Variants in CASS4 observed in about 807,000 individuals in gnomAD.
CASS4 encodes the protein cas scaffolding protein family member 4.
CASS4 carries 22 observed loss-of-function variants against 54.2 expected under a neutral mutation model. The ratio of observed to expected loss-of-function variants is 0.41; its 90% confidence interval spans 0.29 to 0.58. The LOEUF is 0.58. Ranked by LOEUF, CASS4 falls within the 20% of genes least tolerant of loss-of-function variation. The probability of loss-of-function intolerance (pLI) is 0.36; values close to 1 mark genes in which losing one functional copy is unlikely to be tolerated. For missense variants in CASS4, 854 were observed against 986.7 expected (o/e 0.87, Z 1.80); for synonymous variants, 409 against 391.5 (o/e 1.04, Z -0.53).
chr20:56,415,847 A>G (rs999727931), intron 1 of CASS4, among the ~76,000 whole-genome samples: 8 of 152,222 alleles, frequency 5.3e-5, no homozygotes, highest in Non-Finnish European at 1.2e-4. Context: ...ACCTTTGTGC[A>G]TGGCAGATTT....
In CASS4 at chr20:56,412,967, G is replaced by C. The variant is rs6127745; in HGVS notation, c.36+473G>C. Among the ~76,000 whole-genome samples, 4,187 of 152,164 alleles carry C rather than the reference G, an allele frequency of 0.028. 456 individuals are homozygous for C. The East Asian group carries it at 0.37, about 13-fold the overall frequency. On this transcript the variant is annotated intron_variant, in intron 1 of 5. Coordinates refer to ENST00000679887, the MANE Select transcript of CASS4 (RefSeq NM_020356.4). The surrounding 1 kb of genome is among the most constrained non-coding windows in gnomAD (Gnocchi z 4.2). ...TTACATGTTATTTTCATGTTAACTTGTGCATTATGTGAGCAAAGCTGGAGC... is the reference window on the plus strand; with the variant it reads ...TTACATGTTATTTTCATGTTAACTTCTGCATTATGTGAGCAAAGCTGGAGC...
chr20:56,450,320 G>A (rs554945433), intron 3 of CASS4, among the ~76,000 whole-genome samples: 89 of 152,270 alleles, frequency 5.8e-4, no homozygotes, highest in African/African-American at 2.1e-3. Context: ...CACCACGCCC[G>A]GCTGAGAAGT....
chr20:56,421,220 G>A (rs1979396092), intron 1 of CASS4, among the ~76,000 whole-genome samples: 1 of 152,202 alleles, frequency 6.6e-6, no homozygotes, highest in Non-Finnish European at 1.5e-5. Context: ...TACAATACTG[G>A]TGTATCTTGA....
intron 5 of CASS4, among the ~76,000 whole-genome samples, chr20:56,457,317 C>T (rs925306886): frequency 4.6e-5 from 7 of 152,178 alleles, no homozygotes; most frequent in African/African-American, 1.7e-4. Flanking sequence ...CTCCAGATCT[C>T]TCATGTGCTA....
In CASS4 at chr20:56,453,101, AG is replaced by A; in HGVS notation, c.1926del (p.Asn644IlefsTer104). The A allele has an allele frequency of 6.2e-7, 1 of 1,613,790 alleles. No individual in the cohort carries two copies. Among genetic ancestry groups the A allele is most frequent in the Middle Eastern group, 1.6e-4 (1 of 6,062 alleles). On this transcript the variant is annotated frameshift_variant, in exon 5 of 6. Coordinates refer to ENST00000679887, the MANE Select transcript of CASS4 (RefSeq NM_020356.4). LOFTEE classifies it low-confidence loss of function (END_TRUNC). Reference sequence around the variant, plus strand: ...GATGAACACTCTTCTGAACTATTAAAGAAAAATAGGGCAAATATCTGTGGAC... The same window carrying A: ...GATGAACACTCTTCTGAACTATTAAAAAAAATAGGGCAAATATCTGTGGAC... ...REDEHSSELL[K>X]KNRANICGQN...
intron 4 of CASS4, 135 bp from the exon 5 acceptor site, chr20:56,451,684 C>G (rs556500552): frequency 1.2e-5 from 8 of 670,900 alleles, no homozygotes; most frequent in Non-Finnish European, 1.8e-5. Context: ...TCAAAAGAAT[C>G]CTGAAGGACC....
intron 1 of CASS4, among the ~76,000 whole-genome samples, chr20:56,431,219 T>A (rs1162192359): frequency 6.6e-6 from 1 of 152,208 alleles, no homozygotes; most frequent in East Asian, 1.9e-4. Flanking sequence ...ATAGGTAATA[T>A]TATGACTTCA....
At chr20:56,412,183 T>TA, upstream of CASS4, 1 of 479,994 alleles carries the variant, frequency 2.1e-6, no homozygotes, top group Admixed American at 3.7e-5. The surrounding 1 kb of genome is among the most constrained non-coding windows in gnomAD (Gnocchi z 4.2). Flanking sequence ...AGTCTCTACT[T>TA]ACAGACAAAG....
rs911159 is a variant in CASS4, at chr20:56,437,262, G to A, written c.135G>A (p.Val45=). The A allele has an allele frequency of 0.15, 235,008 of 1,613,678 alleles. 17,734 individuals carry two copies. Among genetic ancestry groups the A allele is most frequent in the East Asian group, 0.19 (8,557 of 44,848 alleles). The part of the protein sequence containing the change: ...GDILTILEQH[V]PESEGWWKCL... ...TCCTGACCATTCTGGAGCAACACGT[G>A]CCAGAAAGCGAGGGTTGGTGGAAGT... is the stretch of plus-strand genomic sequence containing the variant. The change falls in exon 2 of 6, where the codon GTG becomes GTA. Residue 45 remains valine (V), a synonymous_variant. Coordinates refer to ENST00000679887, the MANE Select transcript of CASS4 (RefSeq NM_020356.4). This position sits in a 1 kb window ranked among gnomAD's most constrained non-coding sequence, Gnocchi z 4.7.
At chr20:56,444,092 C>G (rs1038251973) in intron 2 of CASS4, among the ~76,000 whole-genome samples, 5 of 152,184 alleles carry the variant, frequency 3.3e-5, no homozygotes, top group African/African-American at 1.2e-4. Context: ...ATCCGTGAGT[C>G]TAGCCAGATG....
intron 1 of CASS4, among the ~76,000 whole-genome samples, chr20:56,427,173 T>TAAA (rs78321980): frequency 8.6e-5 from 11 of 127,954 alleles, no homozygotes; most frequent in African/African-American, 1.4e-4. Context: ...CCCTGTCTCT[T>TAAA]AAAAAAAAAA....
intron 1 of CASS4, among the ~76,000 whole-genome samples, chr20:56,425,372 C>G (rs1162913147): frequency 6.6e-6 from 1 of 152,208 alleles, no homozygotes; most frequent in South Asian, 2.1e-4. Flanking sequence ...ACTCTGTGGC[C>G]CTACTCTCAA....
At chr20:56,451,066 A>G (rs1031009950) in intron 4 of CASS4, among the ~76,000 whole-genome samples, 8 of 152,186 alleles carry the variant, frequency 5.3e-5, no homozygotes, top group African/African-American at 1.9e-4. Flanking sequence ...GCTTGGTCAA[A>G]AATTAGAATG....
chr20:56,440,209 CACTA>C (rs1469110803), intron 2 of CASS4, among the ~76,000 whole-genome samples: 4 of 152,194 alleles, frequency 2.6e-5, no homozygotes, highest in Non-Finnish European at 4.4e-5. Flanking sequence ...ATGAGGTGGA[CACTA>C]ACTCTCTTTT....
chr20:56,412,463 A>G lies in CASS4; in HGVS notation c.5A>G (p.Lys2Arg), dbSNP rs1978922885. 1.2e-6 allele frequency: 2 copies of G among 1,612,524 alleles called. No homozygotes were observed. The highest frequency in any genetic ancestry group is 1.3e-5 in the African/African-American group (1 of 74,890). ...GAGCTGCTCCACATCACCGACATGA[A>G]GGGAACAGGCATCATGGACTGTGCG... M[K>R]GTGIMDCAPK... is the part of the protein sequence containing the mutation. Residue 2 changes from lysine to arginine, a missense_variant, in exon 1 of 6, where the codon AAG (lysine) becomes AGG (arginine). Transcript: ENST00000679887. This position sits in a 1 kb window ranked among gnomAD's most constrained non-coding sequence, Gnocchi z 4.2.
chr20:56,448,342 C>A (rs1980827477), intron 3 of CASS4, among the ~76,000 whole-genome samples: 1 of 151,896 alleles, frequency 6.6e-6, no homozygotes, highest in African/African-American at 2.4e-5. Flanking sequence ...TTTTTTGGTG[C>A]CCTCTTAATG....
rs1981464514 is a variant in CASS4 at position 56,458,895 on chromosome 20, T to A, written c.*148T>A. The A allele has an allele frequency of 1.3e-6, 1 of 770,986 alleles. No individual in the cohort carries two copies. The highest frequency in any genetic ancestry group is 1.7e-5 in the African/African-American group (1 of 57,266). The allele number at this position is 770,986 out of a possible 1,614,324, so 47.8% of individuals were successfully genotyped here. A position where few individuals can be genotyped will look rare whatever the true frequency, so the allele number is the denominator to read the frequency against. ...CCCAAAGCTGGTAGTACCAAGTGGCTAAGCAACCCCAGGGCATTGACTTAC... is the reference window on the plus strand; with the variant it reads ...CCCAAAGCTGGTAGTACCAAGTGGCAAAGCAACCCCAGGGCATTGACTTAC... On this transcript the variant is annotated 3_prime_UTR_variant, in exon 6 of 6. Coordinates refer to ENST00000679887, the MANE Select transcript of CASS4 (RefSeq NM_020356.4).
chr20:56,425,789 A>G (rs1477283217), intron 1 of CASS4, among the ~76,000 whole-genome samples: 2 of 152,222 alleles, frequency 1.3e-5, no homozygotes, highest in African/African-American at 2.4e-5. Context: ...ATGGACTCAA[A>G]GTGTTTTTAT....
chr20:56,426,661 C>T (rs1198878572), intron 1 of CASS4, among the ~76,000 whole-genome samples: 1 of 152,130 alleles, frequency 6.6e-6, no homozygotes, highest in Non-Finnish European at 1.5e-5. Flanking sequence ...TTGCAATCTC[C>T]ACCTAGCCCA....
Sources: allele counts gnomAD v4.1 joint callset (sites outside exome capture counted in the v4.1 genomes callset), GRCh38; gene constraint gnomAD v4.1.1; non-coding constraint Gnocchi (gnomAD v3.1); transcripts MANE v1.5; gene names NCBI Gene and HGNC (gene_info 2026-07-23, HGNC 2026-07-21).